The following SWT1 variants were observed in gnomAD, a reference collection of about 807,000 sequenced individuals.
SWT1 encodes the protein transcriptional protein SWT1.
A neutral mutation model predicts 107.3 loss-of-function variants in SWT1; 33 were observed. That is an observed-to-expected ratio of 0.31 (90% CI 0.23 to 0.41). The LOEUF is 0.41. Ranked by LOEUF, SWT1 falls within the 10% of genes least tolerant of loss-of-function variation. The pLI, the probability that SWT1 is intolerant of heterozygous loss-of-function variation, is 1.00. For synonymous variants in SWT1, 345 were observed against 348.3 expected (o/e 0.99, Z 0.11); for missense variants, 898 against 1,028.9 (o/e 0.87, Z 1.74).
intron 16 of SWT1, among the ~76,000 whole-genome samples, chr1:185,265,454 G>C (rs967507612): frequency 7.9e-5 from 12 of 152,060 alleles, no homozygotes; most frequent in African/African-American, 2.4e-4. Flanking sequence ...TTTCCTCATT[G>C]TGGATTTGAT....
chr1:185,250,984 G>C (rs914232636), intron 16 of SWT1, among the ~76,000 whole-genome samples: 3 of 152,142 alleles, frequency 2.0e-5, no homozygotes, highest in Non-Finnish European at 4.4e-5. Flanking sequence ...TTCTTTGTTT[G>C]ACATGGTTGA....
At chr1:185,255,182 G>A (rs1264515669) in intron 16 of SWT1, among the ~76,000 whole-genome samples, 1 of 152,150 alleles carries the variant, frequency 6.6e-6, no homozygotes, top group Non-Finnish European at 1.5e-5. Context: ...CATCTGTTGA[G>A]GAGAGCTTTA....
chr1:185,243,809 T>C (rs535727273), intron 16 of SWT1, among the ~76,000 whole-genome samples: 2 of 152,304 alleles, frequency 1.3e-5, no homozygotes, highest in African/African-American at 4.8e-5. Context: ...ATGTATTATT[T>C]TTGACAGCAT....
At chr1:185,220,197 ACT>A (rs1250137220) in intron 14 of SWT1, among the ~76,000 whole-genome samples, 182 of 136,672 alleles carry the variant, frequency 1.3e-3, no homozygotes, top group Non-Finnish European at 2.5e-3. Flanking sequence ...TCATTTTTGC[ACT>A]CTTTTTTTTT....
chr1:185,234,631 G>C (rs1262352292), intron 16 of SWT1, among the ~76,000 whole-genome samples: 6 of 152,120 alleles, frequency 3.9e-5, no homozygotes, highest in Non-Finnish European at 8.8e-5. Flanking sequence ...ATATTGTTAT[G>C]TGTGAATTTA....
intron 14 of SWT1, 133 bp from the exon 15 acceptor site, chr1:185,221,716 G>A (rs898186084): frequency 2.4e-5 from 14 of 592,942 alleles, no homozygotes; most frequent in South Asian, 5.9e-5. Flanking sequence ...GGAATATTAT[G>A]TACATAATAA....
Position 185,267,257 on chromosome 1 carries a change from C to T in SWT1, c.2442-4066C>T, listed in dbSNP as rs568153463. Among the ~76,000 whole-genome samples the T allele has an allele frequency of 1.5e-3, 229 of 152,302 alleles. 3 individuals carry two copies. The Middle Eastern group carries it at 0.017, about 11-fold the overall frequency. The stretch of plus-strand genomic sequence containing the variant: ...CTGTAGATGCATTACTTAATTCGAA[C>T]GGTAACTTTATGAGGTTAACGCTGC... On this transcript the variant is annotated intron_variant, in intron 16 of 18. Coordinates refer to ENST00000367500, the MANE Select transcript of SWT1 (RefSeq NM_017673.7).
chr1:185,231,529 TTAAA>T, intron 15 of SWT1, 44 bp from the exon 16 acceptor site: 1 of 1,360,442 alleles, frequency 7.4e-7, no homozygotes, highest in Non-Finnish European at 1.0e-6. Flanking sequence ...TTGAATTACA[TTAAA>T]TATGTATGTA....
chr1:185,238,727 T>A (rs978399281), intron 16 of SWT1, among the ~76,000 whole-genome samples: 38 of 151,984 alleles, frequency 2.5e-4, no homozygotes, highest in Non-Finnish European at 5.1e-4. Context: ...TTTTTTTTTT[T>A]AAACCGGGCA....
chr1:185,253,621 A>T (rs1226374342), intron 16 of SWT1, among the ~76,000 whole-genome samples: 1 of 151,786 alleles, frequency 6.6e-6, no homozygotes. Flanking sequence ...ATTTTTGTAC[A>T]TTGATTTTGT....
At chr1:185,208,147 C>T (rs1253005132) in intron 13 of SWT1, among the ~76,000 whole-genome samples, 1 of 152,114 alleles carries the variant, frequency 6.6e-6, no homozygotes, top group East Asian at 1.9e-4. Context: ...GATGATTAAT[C>T]ATGAATCATA....
intron 13 of SWT1, among the ~76,000 whole-genome samples, chr1:185,214,157 G>A (rs1373910211): frequency 6.6e-6 from 1 of 152,090 alleles, no homozygotes; most frequent in Non-Finnish European, 1.5e-5. Flanking sequence ...GTACTCTTAT[G>A]TGAAATCACC....
intron 15 of SWT1, chr1:185,227,350 T>C (rs765834268): frequency 1.7e-4 from 125 of 724,838 alleles, no homozygotes; most frequent in Non-Finnish European, 3.0e-4. Flanking sequence ...TCATAGATCT[T>C]GTCCATGCCA....
At chr1:185,233,075 T>G (rs1472585991) in intron 16 of SWT1, among the ~76,000 whole-genome samples, 6 of 152,122 alleles carry the variant, frequency 3.9e-5, no homozygotes, top group Admixed American at 3.3e-4. Context: ...TTTCAGGCCC[T>G]CTCAGATTTA....
chr1:185,255,065 T>A (rs1465453733), intron 16 of SWT1, among the ~76,000 whole-genome samples: 3 of 152,176 alleles, frequency 2.0e-5, no homozygotes, highest in Non-Finnish European at 4.4e-5. Context: ...AGCAGGTTGT[T>A]CAGTTTCCAT....
intron 5 of SWT1, 63 bp from the exon 6 acceptor site, chr1:185,180,328 A>G (rs1483792000): frequency 6.1e-6 from 8 of 1,316,320 alleles, no homozygotes; most frequent in Non-Finnish European, 8.8e-6. Context: ...AATAGTGACA[A>G]GGTTGAAAAA....
At chr1:185,186,736 G>A (rs766808996) in intron 9 of SWT1, among the ~76,000 whole-genome samples, 2 of 151,238 alleles carry the variant, frequency 1.3e-5, no homozygotes, top group Non-Finnish European at 2.9e-5. Context: ...TATATTTTCT[G>A]TATTTTCCAG....
intron 10 of SWT1, 57 bp from the exon 11 acceptor site, chr1:185,202,597 T>C: frequency 6.8e-7 from 1 of 1,473,420 alleles, no homozygotes; most frequent in Non-Finnish European, 9.4e-7. Context: ...TGATTTGCCA[T>C]GTGGTTTACC....
At chr1:185,195,929 A>G (rs967310617) in intron 10 of SWT1, among the ~76,000 whole-genome samples, 2 of 152,126 alleles carry the variant, frequency 1.3e-5, no homozygotes, top group African/African-American at 4.8e-5. Context: ...AAAATTTCTC[A>G]CATTCTGTAG....
Sources: allele counts gnomAD v4.1 joint callset (sites outside exome capture counted in the v4.1 genomes callset), GRCh38; gene constraint gnomAD v4.1.1; transcripts MANE v1.5; gene names NCBI Gene and HGNC (gene_info 2026-07-23, HGNC 2026-07-21).